CSMD1: variants seen among roughly 807,000 people sequenced by gnomAD.
The protein encoded by CSMD1 is CUB and Sushi multiple domains 1.
Under a neutral mutation model 417.5 loss-of-function variants are expected in CSMD1, and 213 were observed. The ratio of observed to expected loss-of-function variants is 0.51; its 90% CI spans 0.46 to 0.57. The LOEUF (loss-of-function observed/expected upper bound fraction) is 0.57. CSMD1 is among the 20% of genes least tolerant of loss of function. CSMD1 has a pLI of 0.00. For missense variants in CSMD1, 6,923 were observed against 4,529.7 expected (o/e 1.53, Z -15.17); for synonymous variants, 2,862 against 1,736.8 (o/e 1.65, Z -16.11).
chr8:3,908,808 G>C lies in CSMD1; in HGVS notation c.818+89095C>G, dbSNP rs1300960640. Among the ~76,000 whole-genome samples the C allele has an allele frequency of 2.6e-5, 4 of 152,142 alleles. No individual in the cohort carries two copies. In the South Asian group the frequency reaches 6.2e-4, roughly 24 times the overall value. ...AATTCTGGATTCTTAGCTATTATTTGAAACAGGATCTCTATGTGAGGACCA... is the reference window on the plus strand; with the variant it reads ...AATTCTGGATTCTTAGCTATTATTTCAAACAGGATCTCTATGTGAGGACCA... On this transcript the variant is annotated intron_variant, in intron 5 of 69. Transcript: ENST00000635120.
chr8:3,026,903 G>C (rs1051767915), intron 51 of CSMD1, among the ~76,000 whole-genome samples: 1 of 152,156 alleles, frequency 6.6e-6, no homozygotes, highest in African/African-American at 2.4e-5. Context: ...CCTTGGTAAA[G>C]GGGTTTCTAG....
At chr8:4,533,891 A>T (rs889247819) in intron 2 of CSMD1, among the ~76,000 whole-genome samples, 3 of 149,492 alleles carry the variant, frequency 2.0e-5, no homozygotes, top group African/African-American at 7.3e-5. Flanking sequence ...AAATATATGT[A>T]ATTCAATAGC....
intron 3 of CSMD1, among the ~76,000 whole-genome samples, chr8:4,146,410 A>G (rs1221563698): frequency 6.7e-6 from 1 of 150,314 alleles, no homozygotes; most frequent in Non-Finnish European, 1.5e-5. Flanking sequence ...GTGGCACAGC[A>G]GACTCCAAAG....
intron 2 of CSMD1, among the ~76,000 whole-genome samples, chr8:4,484,680 G>C (rs908489295): frequency 6.6e-6 from 1 of 151,970 alleles, no homozygotes; most frequent in Non-Finnish European, 1.5e-5. Context: ...TATTGAAAGA[G>C]GAAAAGTCAC....
chr8:4,034,305 T>C (rs1267886913), intron 3 of CSMD1, among the ~76,000 whole-genome samples: 2 of 152,204 alleles, frequency 1.3e-5, no homozygotes, highest in Admixed American at 1.3e-4. Context: ...TTGACATGTT[T>C]ATGAGATCTC....
intron 1 of CSMD1, among the ~76,000 whole-genome samples, chr8:4,698,505 T>C (rs985830956): frequency 5.9e-5 from 9 of 152,110 alleles, no homozygotes; most frequent in African/African-American, 1.9e-4. Context: ...CAGGTGTGTG[T>C]TAGGCCTAAA....
chr8:4,295,750 GTATATA>G (rs756556655), intron 3 of CSMD1, among the ~76,000 whole-genome samples: 891 of 34,220 alleles, frequency 0.026, 20 homozygotes, highest in East Asian at 0.14. Context: ...ATGTGTGTGT[GTATATA>G]TATATATATA....
intron 5 of CSMD1, among the ~76,000 whole-genome samples, chr8:3,958,441 G>C (rs1429788265): frequency 2.0e-5 from 3 of 151,554 alleles, no homozygotes; most frequent in Non-Finnish European, 2.9e-5. Context: ...GCACGTTTTT[G>C]AAATATTTGT....
At chr8:4,043,410 G>C (rs545076311) in intron 3 of CSMD1, among the ~76,000 whole-genome samples, 1 of 152,174 alleles carries the variant, frequency 6.6e-6, no homozygotes, top group East Asian at 1.9e-4. Flanking sequence ...AAGCGTAAAT[G>C]ACATGAACCT....
At chr8:3,439,504 T>C (rs1814829780) in intron 12 of CSMD1, among the ~76,000 whole-genome samples, 1 of 146,876 alleles carries the variant, frequency 6.8e-6, no homozygotes, top group Non-Finnish European at 1.5e-5. Flanking sequence ...TGTGTGTGTG[T>C]GTCTGTGTGT....
intron 3 of CSMD1, among the ~76,000 whole-genome samples, chr8:4,216,971 A>G (rs986488081): frequency 7.9e-5 from 12 of 152,170 alleles, no homozygotes; most frequent in Admixed American, 6.5e-5. Context: ...GTCCTAGGAT[A>G]GGTCCCCACG....
chr8:3,644,393 G>A (rs1041835586), intron 7 of CSMD1, among the ~76,000 whole-genome samples: 1 of 152,200 alleles, frequency 6.6e-6, no homozygotes, highest in Non-Finnish European at 1.5e-5. Flanking sequence ...CCCTGGAGAA[G>A]CCCTGGAAGC....
At chr8:3,456,361 G>T (rs1212083830) in intron 12 of CSMD1, among the ~76,000 whole-genome samples, 1 of 151,982 alleles carries the variant, frequency 6.6e-6, no homozygotes, top group Non-Finnish European at 1.5e-5. Context: ...AGTTAGAAAT[G>T]CAGAAATCAC....
At chr8:3,250,354 C>T (rs9314475) in intron 26 of CSMD1, among the ~76,000 whole-genome samples, 47,854 of 152,048 alleles carry the variant, frequency 0.31, 7,896 homozygotes, top group Admixed American at 0.38. Flanking sequence ...TGATGGTTTC[C>T]AGCTTCATCC....
In CSMD1 at chr8:3,634,488, G is replaced by T. The variant is rs544295964; in HGVS notation, c.1010-17691C>A. On this transcript the variant is annotated intron_variant, in intron 7 of 69. Coordinates refer to ENST00000635120, the MANE Select transcript of CSMD1 (RefSeq NM_033225.6). The stretch of plus-strand genomic sequence containing the variant: ...ACAACTCTACTGGGAGTGGACAACC[G>T]CAAGTTTGAACCTGCTGTCTCCCGG... 3.3e-5 allele frequency among the ~76,000 whole-genome samples: 5 copies of T among 152,260 alleles called. No homozygotes were observed. In the South Asian group the frequency reaches 8.3e-4, roughly 25 times the overall value.
At chr8:3,903,782 G>C (rs1286808103) in intron 5 of CSMD1, among the ~76,000 whole-genome samples, 2 of 152,112 alleles carry the variant, frequency 1.3e-5, no homozygotes, top group African/African-American at 4.8e-5. Flanking sequence ...GTCCACATTT[G>C]AGCCTCTCGG....
intron 3 of CSMD1, among the ~76,000 whole-genome samples, chr8:4,201,252 T>C (rs748889498): frequency 5.9e-5 from 9 of 152,030 alleles, no homozygotes; most frequent in Non-Finnish European, 7.4e-5. Flanking sequence ...AGTAAAAAAA[T>C]TCAGGGCCGG....
At chr8:4,070,062 A>G (rs1799465244) in intron 3 of CSMD1, among the ~76,000 whole-genome samples, 1 of 151,840 alleles carries the variant, frequency 6.6e-6, no homozygotes, top group Non-Finnish European at 1.5e-5. Flanking sequence ...TACTTTTCGC[A>G]GTGTTTTAGT....
At chr8:3,711,375 C>G (rs1801500770) in intron 6 of CSMD1, among the ~76,000 whole-genome samples, 1 of 152,174 alleles carries the variant, frequency 6.6e-6, no homozygotes, top group South Asian at 2.1e-4. Flanking sequence ...CAGAGGGTGG[C>G]TGTTCATCTT....
Sources: allele counts gnomAD v4.1 joint callset (sites outside exome capture counted in the v4.1 genomes callset), GRCh38; gene constraint gnomAD v4.1.1; transcripts MANE v1.5; gene names NCBI Gene and HGNC (gene_info 2026-07-23, HGNC 2026-07-21).